The following AARS2 variants were observed in gnomAD, a reference collection of about 807,000 sequenced individuals.
The protein encoded by AARS2 is alanyl-tRNA synthetase 2, mitochondrial, also known as alanine--tRNA ligase, mitochondrial.
AARS2 carries 78 observed loss-of-function variants against 119.7 expected under a neutral mutation model. The ratio of observed to expected loss-of-function variants is 0.65; its 90% CI spans 0.54 to 0.79. The LOEUF (loss-of-function observed/expected upper bound fraction) is 0.79. Among genes scored for constraint, AARS2 ranks in the 30% least tolerant of loss-of-function variants. The pLI is 0.00. For synonymous variants in AARS2, 502 were observed against 526.3 expected (o/e 0.95, Z 0.63); for missense variants, 1,157 against 1,291.3 (o/e 0.90, Z 1.59).
chr6:44,303,829 C>T (rs1034176679), intron 14 of AARS2, among the ~76,000 whole-genome samples: 2 of 152,182 alleles, frequency 1.3e-5, no homozygotes, highest in African/African-American at 4.8e-5. Context: ...GTAAGAAGCG[C>T]AGGGAGACAG....
In AARS2 at chr6:44,305,625, AC is replaced by A; in HGVS notation, c.1434+27del. 2 of 1,612,636 alleles carry A rather than the reference AC, an allele frequency of 1.2e-6. No homozygotes were observed. The highest frequency in any genetic ancestry group is 1.7e-6 in the Non-Finnish European group (2 of 1,179,920). ...GCTGGGGAAGAGGTGTCCTAACAGA[AC>A]CCAGCATGGGGTGCCACAGCTTGTA... On this transcript the variant is annotated intron_variant, in intron 10 of 21. Coordinates refer to ENST00000244571, the MANE Select transcript of AARS2 (RefSeq NM_020745.4). This position sits in a 1 kb window ranked among gnomAD's most constrained non-coding sequence, Gnocchi z 4.6.
chr6:44,312,412 A>T (rs949022619), intron 1 of AARS2, 149 bp from the exon 2 acceptor site: 22 of 778,156 alleles, frequency 2.8e-5, no homozygotes, highest in Non-Finnish European at 4.5e-5. Context: ...ATGAGGACAA[A>T]CTGGGAGCCT....
In AARS2 at chr6:44,299,912, T is replaced by TCAGGGCACCCA. The variant is rs1785218497; in HGVS notation, c.*634_*635insTGGGTGCCCTG. 3.8e-4 allele frequency: 1 copy of TCAGGGCACCCA among 2,612 alleles called. No individual in the cohort carries two copies. Among genetic ancestry groups the TCAGGGCACCCA allele is most frequent in the South Asian group, 0.045 (1 of 22 alleles). 0.2% of individuals were successfully genotyped at this position (2,612 alleles called of 1,614,324 possible). ...CAGACAGTGTGAGTTCAGACTGGTC[T>TCAGGGCACCCA]TAGGTTGCTGGGAGGGGCAAAACTA... On this transcript the variant is annotated 3_prime_UTR_variant, in exon 22 of 22. Coordinates refer to ENST00000244571, the MANE Select transcript of AARS2 (RefSeq NM_020745.4).
rs373801192 is a variant in AARS2, at chr6:44,301,192, G to A, written c.2757C>T (p.Pro919=). The A allele has an allele frequency of 1.1e-5, 17 of 1,613,598 alleles. No homozygotes were observed. Among genetic ancestry groups the A allele is most frequent in the Non-Finnish European group, 1.4e-5 (16 of 1,179,976 alleles). Residue 919 remains proline (P), a synonymous_variant, in exon 21 of 22, where the codon CCC becomes CCT. Transcript: ENST00000244571. ...STSVLLLSPQ[P]MGKVLCACQV... ...GACAGGCACACAGCACCTTCCCCAT[G>A]GGCTGGGGGCTGAGTAGGAGCACAG... is the stretch of plus-strand genomic sequence containing the variant.
rs892690594 is a variant in AARS2, at chr6:44,302,713, G to C, written c.2364+89C>G. 8 of 1,473,166 alleles carry C rather than the reference G, an allele frequency of 5.4e-6. No homozygotes were observed. In the African/African-American group the frequency reaches 1.1e-4, roughly 21 times the overall value. 91.3% of individuals were successfully genotyped at this position (1,473,166 alleles called of 1,614,324 possible). Reference sequence around the variant, plus strand: ...TCCAAGTATGAACACTGGCTCTGCTGCTGGGCACCCCTGAGCCTGAGCATG... The same window carrying C: ...TCCAAGTATGAACACTGGCTCTGCTCCTGGGCACCCCTGAGCCTGAGCATG... On this transcript the variant is annotated intron_variant, in intron 17 of 21. Transcript: ENST00000244571.
Position 44,307,483 on chromosome 6 carries a change from C to A in AARS2, c.895-89G>T, listed in dbSNP as rs1331550488. 1.3e-6 allele frequency: 2 copies of A among 1,502,984 alleles called. No homozygotes were observed. Among genetic ancestry groups the A allele is most frequent in the East Asian group, 4.9e-5 (2 of 40,544 alleles). 93.1% of individuals were successfully genotyped at this position (1,502,984 alleles called of 1,614,324 possible). A position where few individuals can be genotyped will look rare whatever the true frequency, so the allele number is the denominator to read the frequency against. On this transcript the variant is annotated intron_variant, in intron 5 of 21. Transcript: ENST00000244571. This position sits in a 1 kb window ranked among gnomAD's most constrained non-coding sequence, Gnocchi z 4.4. ...GCCTCTAGAGCATCTGCCCTCAGCC[C>A]TAAAGCCAACCACATCCAGAATGGC...
rs1417089380 is a variant in AARS2, at chr6:44,313,281, C to T, written c.43G>A (p.Ala15Thr). The change falls in exon 1 of 22, where the codon GCC becomes ACC. Residue 15 changes from alanine (A) to threonine (T), a missense_variant. Coordinates refer to ENST00000244571, the MANE Select transcript of AARS2 (RefSeq NM_020745.4). ...CGCCATGCGGGCGACCTTCGAATGG[C>T]CCGCCGCAGCCTCCGGGCTGCAGCT... is the stretch of plus-strand genomic sequence containing the variant. ...VAAAARRLRR[A>T]IRRSPAWRGL... The T allele has an allele frequency of 5.0e-6, 8 of 1,598,266 alleles. No homozygotes were observed. The Admixed American group carries it at 1.0e-4, about 20-fold the overall frequency.
rs769894604 is a variant in AARS2 at position 44,300,671 on chromosome 6, G to A, written c.2834C>T (p.Ala945Val). 6.2e-7 allele frequency: 1 copy of A among 1,613,486 alleles called. No homozygotes were observed. The highest frequency in any genetic ancestry group is 8.5e-7 in the Non-Finnish European group (1 of 1,180,036). The change falls in exon 22 of 22, where the codon GCA (alanine) becomes GTA (valine). Residue 945 changes from alanine to valine, a missense_variant. Ala to Val is a moderately conservative substitution (Grantham distance 64). Coordinates refer to ENST00000244571, the MANE Select transcript of AARS2 (RefSeq NM_020745.4). ...CTTGCCCCCCATGTGGCTGCACACT[G>A]CCAGTGCCCAGGCCTCTGCTGTGAA... ...PTFTAEAWAL[A>V]VCSHMGGKAW...
chr6:44,304,357 G>A (rs1247309618), intron 13 of AARS2, 36 bp from the exon 14 acceptor site: 3 of 1,614,076 alleles, frequency 1.9e-6, no homozygotes, highest in Non-Finnish European at 2.5e-6. Context: ...CCTGGGTGAG[G>A]GCAGGGGGTT....
intron 2 of AARS2, 70 bp from the exon 3 acceptor site, chr6:44,311,605 G>A: frequency 6.4e-7 from 1 of 1,571,578 alleles, no homozygotes; most frequent in Non-Finnish European, 8.7e-7. Context: ...AAGTAATCAA[G>A]CCACATGAGT....
chr6:44,308,184 G>A (rs942750594), intron 5 of AARS2, among the ~76,000 whole-genome samples: 4 of 152,138 alleles, frequency 2.6e-5, no homozygotes, highest in African/African-American at 9.7e-5. Flanking sequence ...TGATTCCTAA[G>A]TTTCTGCTCT....
intron 21 of AARS2, 43 bp from the exon 22 acceptor site, chr6:44,300,754 C>T (rs746073297): frequency 1.2e-6 from 2 of 1,602,238 alleles, no homozygotes; most frequent in South Asian, 2.2e-5. Flanking sequence ...GAGTGGCCCT[C>T]CCTGCCAGCA....
chr6:44,303,077 T>C lies in AARS2; in HGVS notation c.2244A>G (p.Leu748=). 1 of 1,613,992 alleles carries C rather than the reference T, an allele frequency of 6.2e-7. No homozygotes were observed. Among genetic ancestry groups the C allele is most frequent in the South Asian group, 1.1e-5 (1 of 91,082 alleles). The change falls in exon 16 of 22, where the codon CTA becomes CTG. Residue 748 remains leucine, a synonymous_variant. Coordinates refer to ENST00000244571, the MANE Select transcript of AARS2 (RefSeq NM_020745.4). ...SQAALQTSVE[L]CCGTHLLRTG... Reference sequence around the variant, plus strand: ...AAGGAGTGACTCACGTCCCACAGCATAGCTCCACAGAGGTCTGCAGTGCGG... The same window carrying C: ...AAGGAGTGACTCACGTCCCACAGCACAGCTCCACAGAGGTCTGCAGTGCGG...
Position 44,304,640 on chromosome 6 carries a change from C to T in AARS2, c.1752+5G>A. On this transcript the variant is annotated splice_donor_5th_base_variant and intron_variant, in intron 12 of 21. Transcript: ENST00000244571. Reference sequence around the variant, plus strand: ...AAATCAGCCTGGGTTGTGATGGAGACTCACCTCTTGCCCTGCCCGCACCAG... The same window carrying T: ...AAATCAGCCTGGGTTGTGATGGAGATTCACCTCTTGCCCTGCCCGCACCAG... The T allele has an allele frequency of 6.2e-7, 1 of 1,614,200 alleles. No individual in the cohort carries two copies. Among genetic ancestry groups the T allele is most frequent in the Non-Finnish European group, 8.5e-7 (1 of 1,180,030 alleles).
rs902188746 is a variant in AARS2, at chr6:44,305,424, G to A, written c.1435-226C>T. ...CTTCCTGCCCACTGCTGCCCCTGGA[G>A]GGCCCCTCTCCAGGAAGCTGTGCTG... On this transcript the variant is annotated intron_variant, in intron 10 of 21. Transcript: ENST00000244571. This position sits in a 1 kb window ranked among gnomAD's most constrained non-coding sequence, Gnocchi z 4.6. 1.3e-5 allele frequency among the ~76,000 whole-genome samples: 2 copies of A among 152,176 alleles called. No homozygotes were observed. The highest frequency in any genetic ancestry group is 2.4e-5 in the African/African-American group (1 of 41,432).
rs1380858092 is a variant in AARS2 at position 44,300,467 on chromosome 6, G to A, written c.*80C>T. ...CCTCCAGCCTCTAGTCCTCGCTTCA[G>A]CATGTGGGAAGGTTCTGCTGGCTCC... is the stretch of plus-strand genomic sequence containing the variant. On this transcript the variant is annotated 3_prime_UTR_variant, in exon 22 of 22. Coordinates refer to ENST00000244571, the MANE Select transcript of AARS2 (RefSeq NM_020745.4). 4 of 1,594,702 alleles carry A rather than the reference G, an allele frequency of 2.5e-6. No homozygotes were observed. The highest frequency in any genetic ancestry group is 1.1e-5 in the South Asian group (1 of 90,642).
chr6:44,307,436 G>A lies in AARS2; in HGVS notation c.895-42C>T. The A allele has an allele frequency of 6.4e-7, 1 of 1,564,720 alleles. No homozygotes were observed. On this transcript the variant is annotated intron_variant, in intron 5 of 21. Transcript: ENST00000244571. This position sits in a 1 kb window ranked among gnomAD's most constrained non-coding sequence, Gnocchi z 4.4. The stretch of plus-strand genomic sequence containing the variant: ...TCAGCCAGTGGCCCTGCCTGACCTG[G>A]CCCAGGTGGGTGCTCTTTATCGCCT...
Position 44,307,100 on chromosome 6 carries a change from G to A in AARS2, c.1041-69C>T. On this transcript the variant is annotated intron_variant, in intron 6 of 21. Transcript: ENST00000244571. This position sits in a 1 kb window ranked among gnomAD's most constrained non-coding sequence, Gnocchi z 4.4. ...GGTCAGCAATATGGGGAGTGGGAAG[G>A]ACGAGGTCCAGTGTGTGCTCCCACC... The A allele has an allele frequency of 3.1e-6, 5 of 1,597,552 alleles. No individual in the cohort carries two copies. The highest frequency in any genetic ancestry group is 3.4e-6 in the Non-Finnish European group (4 of 1,167,662).
Position 44,300,147 on chromosome 6 carries a change from T to G in AARS2, c.*400A>C. ...GGCGTGTGCCACCACACCCGGCTAATTTTTTGTATTTTTAGTAGAGATGGG... is the reference window on the plus strand; with the variant it reads ...GGCGTGTGCCACCACACCCGGCTAAGTTTTTGTATTTTTAGTAGAGATGGG... On this transcript the variant is annotated 3_prime_UTR_variant, in exon 22 of 22. Coordinates refer to ENST00000244571, the MANE Select transcript of AARS2 (RefSeq NM_020745.4). The G allele has an allele frequency of 4.0e-6, 1 of 250,370 alleles. No individual in the cohort carries two copies. Among genetic ancestry groups the G allele is most frequent in the Non-Finnish European group, 7.9e-6 (1 of 125,850 alleles). 15.5% of individuals were successfully genotyped at this position (250,370 alleles called of 1,614,324 possible). A position where few individuals can be genotyped will look rare whatever the true frequency, so the allele number is the denominator to read the frequency against.
Sources: gnomAD v4.1 joint callset for allele counts (sites outside exome capture counted in the v4.1 genomes callset) on GRCh38, gnomAD v4.1.1 for gene constraint, Gnocchi (gnomAD v3.1) non-coding constraint, MANE v1.5 for transcripts, NCBI Gene and HGNC (gene_info 2026-07-23, HGNC 2026-07-21) for gene names.